Variants in ULK4 observed in about 807,000 individuals in gnomAD.
The protein encoded by ULK4 is unc-51 like kinase 4.
Under a neutral mutation model 160.6 loss-of-function variants are expected in ULK4, and 133 were observed. That is an observed-to-expected ratio of 0.83 (90% CI 0.72 to 0.96). The LOEUF (loss-of-function observed/expected upper bound fraction) is 0.96, where lower values mean the gene tolerates loss of function less well. Among genes scored for constraint, ULK4 ranks in the 40% least tolerant of loss-of-function variants. ULK4 has a pLI of 0.00. For synonymous variants in ULK4, 534 were observed against 539.8 expected, an observed-to-expected ratio of 0.99 and a Z score of 0.15; for missense variants, 1,580 against 1,499.5, an observed-to-expected ratio of 1.05 and a Z score of -0.89.
At chr3:41,293,837 C>T (rs2079618460) in intron 35 of ULK4, among the ~76,000 whole-genome samples, 1 of 152,190 alleles carries the variant, frequency 6.6e-6, no homozygotes, top group South Asian at 2.1e-4. Flanking sequence ...CTAATTTCAT[C>T]TGCAGTAGGC....
At chr3:41,718,873 T>C (rs768955047) in intron 22 of ULK4, among the ~76,000 whole-genome samples, 1 of 152,236 alleles carries the variant, frequency 6.6e-6, no homozygotes, top group Non-Finnish European at 1.5e-5. Flanking sequence ...CATGTATTAC[T>C]ATTTGCACCC....
chr3:41,700,101 A>G (rs2036623899), intron 27 of ULK4, among the ~76,000 whole-genome samples: 1 of 152,198 alleles, frequency 6.6e-6, no homozygotes, highest in African/African-American at 2.4e-5. Flanking sequence ...TCCTAGTTAT[A>G]GTGGGTACTG....
In ULK4 at chr3:41,475,504, A is replaced by G. The variant is rs534020081; in HGVS notation, c.3227-12251T>C. Among the ~76,000 whole-genome samples the G allele has an allele frequency of 6.2e-3, 945 of 152,352 alleles. 7 individuals are homozygous for G. The highest frequency in any genetic ancestry group is 0.022 in the African/African-American group (904 of 41,584). On this transcript the variant is annotated intron_variant, in intron 32 of 36. Coordinates refer to ENST00000301831, the MANE Select transcript of ULK4 (RefSeq NM_017886.4). ...TTTCAAACATTCTCACCACAAAAAA[A>G]TAAGTATTTGAGATCATGAACATTT...
At chr3:41,378,606 T>G (rs7613251) in intron 35 of ULK4, among the ~76,000 whole-genome samples, 53,619 of 149,968 alleles carry the variant, frequency 0.36, 9,949 homozygotes, top group African/African-American at 0.48. Flanking sequence ...CACAGCAAGG[T>G]GAACATCATA....
chr3:41,418,004 G>C (rs537519048), intron 34 of ULK4, among the ~76,000 whole-genome samples: 19 of 152,228 alleles, frequency 1.2e-4, no homozygotes, highest in African/African-American at 4.6e-4. Flanking sequence ...TGAGAAAGTT[G>C]AGACTAAGGG....
At chr3:41,436,697 A>C (rs2083045091) in intron 34 of ULK4, among the ~76,000 whole-genome samples, 1 of 152,182 alleles carries the variant, frequency 6.6e-6, no homozygotes, top group Admixed American at 6.5e-5. Flanking sequence ...CTGCTTGGCA[A>C]GTGGGACCGA....
intron 21 of ULK4, among the ~76,000 whole-genome samples, chr3:41,786,709 T>C (rs567932894): frequency 5.9e-5 from 9 of 152,218 alleles, no homozygotes; most frequent in African/African-American, 1.9e-4. Context: ...TTGTACATTA[T>C]TGAGGTGTCA....
chr3:41,248,754 C>T (rs560979995), intron 36 of ULK4, among the ~76,000 whole-genome samples: 8 of 152,332 alleles, frequency 5.3e-5, no homozygotes, highest in Admixed American at 6.5e-5. Flanking sequence ...TCCTTCTCCC[C>T]AGGGTGGGGA....
chr3:41,880,473 T>C (rs1489934462), intron 17 of ULK4, among the ~76,000 whole-genome samples: 5 of 152,242 alleles, frequency 3.3e-5, no homozygotes, highest in African/African-American at 1.2e-4. Flanking sequence ...ATTTTTTCTG[T>C]CTCTTTATAA....
chr3:41,857,551 G>A (rs1316457176), intron 17 of ULK4, among the ~76,000 whole-genome samples: 2 of 152,182 alleles, frequency 1.3e-5, no homozygotes, highest in East Asian at 3.9e-4. Flanking sequence ...AGTTGGTTCT[G>A]CTTTAAATGT....
chr3:41,842,003 A>T (rs922908299), intron 17 of ULK4, among the ~76,000 whole-genome samples: 10 of 151,992 alleles, frequency 6.6e-5, no homozygotes, highest in African/African-American at 2.2e-4. Context: ...AACACTGCCA[A>T]AGGCCACAGG....
At chr3:41,582,391 C>G (rs1441798008) in intron 31 of ULK4, among the ~76,000 whole-genome samples, 1 of 152,138 alleles carries the variant, frequency 6.6e-6, no homozygotes, top group East Asian at 1.9e-4. Context: ...TAATAAGTAC[C>G]TAGGATATTA....
chr3:41,341,766 G>A (rs377285028), intron 35 of ULK4, among the ~76,000 whole-genome samples: 2 of 152,108 alleles, frequency 1.3e-5, no homozygotes, highest in Non-Finnish European at 2.9e-5. Context: ...GCATCCCCAC[G>A]GAGACCCCAT....
intron 35 of ULK4, among the ~76,000 whole-genome samples, chr3:41,364,122 G>C (rs939532404): frequency 6.6e-6 from 1 of 152,134 alleles, no homozygotes; most frequent in Non-Finnish European, 1.5e-5. Context: ...ATTTTTTGTA[G>C]AGACAAGGTC....
chr3:41,685,511 C>A (rs1269848508), intron 27 of ULK4, among the ~76,000 whole-genome samples: 2 of 152,280 alleles, frequency 1.3e-5, no homozygotes, highest in African/African-American at 4.8e-5. Flanking sequence ...TTACTTAAGG[C>A]ATTCCAAGAA....
chr3:41,828,646 G>A (rs1265677224), intron 18 of ULK4, among the ~76,000 whole-genome samples: 1 of 149,678 alleles, frequency 6.7e-6, no homozygotes, highest in Non-Finnish European at 1.5e-5. Context: ...AAATTAAAGA[G>A]GATACAAACA....
At chr3:41,356,144 C>T (rs1440760900) in intron 35 of ULK4, among the ~76,000 whole-genome samples, 2 of 152,060 alleles carry the variant, frequency 1.3e-5, no homozygotes, top group Non-Finnish European at 2.9e-5. Context: ...ACAGAGAAGC[C>T]CTGTCCCCTG....
In ULK4 at chr3:41,663,136, G is replaced by A. The variant is rs551434452; in HGVS notation, c.3071+471C>T. On this transcript the variant is annotated intron_variant, in intron 30 of 36. Transcript: ENST00000301831. ...CTCGGGAGGCTGAGGCAGAAGAATC[G>A]CTTGAACCCAGGAGGTGGAGGTTGC... Among the ~76,000 whole-genome samples the A allele has an allele frequency of 6.6e-5, 10 of 151,752 alleles. No individual in the cohort carries two copies. The South Asian group carries it at 8.3e-4, about 13-fold the overall frequency.
At chr3:41,918,675 C>A (rs1159226362) in intron 6 of ULK4, 135 bp from the exon 7 acceptor site, 1 of 463,056 alleles carries the variant, frequency 2.2e-6, no homozygotes, top group Non-Finnish European at 3.7e-6. Flanking sequence ...AATCTCGGCT[C>A]ACTGCACACT....
Sources: gnomAD v4.1 joint callset for allele counts (sites outside exome capture counted in the v4.1 genomes callset) on GRCh38, gnomAD v4.1.1 for gene constraint, MANE v1.5 for transcripts, NCBI Gene and HGNC (gene_info 2026-07-23, HGNC 2026-07-21) for gene names.